Variants in SNAPC3 observed in about 807,000 individuals in gnomAD.
SNAPC3 encodes snRNA-activating protein complex subunit 3.
SNAPC3 carries 56 observed loss-of-function variants against 47.7 expected under a neutral mutation model. That is an observed-to-expected ratio of 1.18 (90% confidence interval 0.95 to 1.47). The LOEUF (loss-of-function observed/expected upper bound fraction) is 1.47, where lower values mean the gene tolerates loss of function less well. Ranked by LOEUF, SNAPC3 falls within the 40% of genes most tolerant of loss-of-function variation. The pLI is 0.00. For synonymous variants in SNAPC3, 235 were observed against 189.9 expected (o/e 1.24, Z -1.95); for missense variants, 665 against 511.3 (o/e 1.30, Z -2.90).
rs1229238490 is a variant in SNAPC3, at chr9:15,423,054, G to C, written c.175G>C (p.Gly59Arg). ...GTGGCGGGGCCGTCTGCGCGGGGCC[G>C]GGGACTTGTCGCTGAGGGAGCCGCC... ...ELWRGRLRGAGDLSLREPPAS... is the reference protein window; with the variant it reads ...ELWRGRLRGARDLSLREPPAS... The change falls in exon 1 of 9, where the codon GGG (glycine) becomes CGG (arginine). Residue 59 changes from glycine (G) to arginine (R), a missense_variant. Transcript: ENST00000380821. The C allele has an allele frequency of 1.3e-6, 2 of 1,515,522 alleles. No individual in the cohort carries two copies. Among genetic ancestry groups the C allele is most frequent in the South Asian group, 2.6e-5 (2 of 78,312 alleles). 93.9% of individuals were successfully genotyped at this position (1,515,522 alleles called of 1,614,324 possible).
chr9:15,463,236 T>G (rs1454247455), downstream of SNAPC3: 1 of 138,210 alleles, frequency 7.2e-6, no homozygotes, highest in African/African-American at 2.7e-5. Context: ...TTTTTTTTTT[T>G]TTTTTTGAGA....
downstream of SNAPC3, chr9:15,463,493 AGGGGT>A (rs141949120): frequency 0.86 from 99,977 of 116,416 alleles, 41,924 homozygotes; most frequent in Admixed American, 0.9. Context: ...TACTTTTTGG[AGGGGT>A]GGGGTGGGGT....
chr9:15,432,334 A>G (rs1034132195), intron 2 of SNAPC3, among the ~76,000 whole-genome samples: 2 of 152,124 alleles, frequency 1.3e-5, no homozygotes, highest in Non-Finnish European at 2.9e-5. Flanking sequence ...TTTCCTGCCT[A>G]TCTCAGCTGA....
intron 3 of SNAPC3, among the ~76,000 whole-genome samples, chr9:15,442,346 C>G (rs529232862): frequency 4.0e-5 from 6 of 151,444 alleles, no homozygotes; most frequent in Admixed American, 1.3e-4. Flanking sequence ...GGGCGGCTGC[C>G]GGGCAGAGAC....
intron 5 of SNAPC3, among the ~76,000 whole-genome samples, chr9:15,450,177 C>T (rs1313775672): frequency 6.6e-6 from 1 of 151,978 alleles, no homozygotes; most frequent in Non-Finnish European, 1.5e-5. Context: ...ACATAATCTC[C>T]ATAACAACCT....
intron 7 of SNAPC3, among the ~76,000 whole-genome samples, chr9:15,454,472 T>A (rs2034624047): frequency 6.6e-6 from 1 of 152,136 alleles, no homozygotes; most frequent in African/African-American, 2.4e-5. Context: ...AAAAGTGAAA[T>A]CCCAGTGTGA....
intron 3 of SNAPC3, among the ~76,000 whole-genome samples, chr9:15,437,000 T>A (rs1388446168): frequency 6.6e-6 from 1 of 151,462 alleles, no homozygotes; most frequent in African/African-American, 2.4e-5. Flanking sequence ...AGTTTTTGTA[T>A]TTTTAATATA....
intron 2 of SNAPC3, among the ~76,000 whole-genome samples, chr9:15,424,745 A>G (rs755579013): frequency 9.2e-5 from 14 of 152,230 alleles, no homozygotes; most frequent in Non-Finnish European, 1.9e-4. Context: ...AGTGAAATTT[A>G]TAATTTCCAA....
chr9:15,440,610 G>A (rs1326446192), intron 3 of SNAPC3, among the ~76,000 whole-genome samples: 2 of 152,146 alleles, frequency 1.3e-5, no homozygotes, highest in Non-Finnish European at 2.9e-5. Context: ...AGGAGCACTT[G>A]ATCCCAAGAG....
intron 3 of SNAPC3, among the ~76,000 whole-genome samples, chr9:15,440,822 G>A (rs1054144366): frequency 2.6e-5 from 4 of 152,028 alleles, no homozygotes; most frequent in African/African-American, 9.7e-5. Context: ...GGTGGCGAGT[G>A]TCTGTAGTCC....
intron 7 of SNAPC3, among the ~76,000 whole-genome samples, chr9:15,454,418 C>A (rs932830980): frequency 2.0e-5 from 3 of 152,058 alleles, no homozygotes; most frequent in Admixed American, 6.6e-5. Context: ...GAATGCAACA[C>A]AGAATAGGTT....
chr9:15,434,151 A>C (rs768197465), intron 3 of SNAPC3, among the ~76,000 whole-genome samples: 1 of 152,162 alleles, frequency 6.6e-6, no homozygotes, highest in South Asian at 2.1e-4. Context: ...AAATTTACAT[A>C]ACATAAAATT....
downstream of SNAPC3, among the ~76,000 whole-genome samples, chr9:15,466,373 T>C (rs1004680905): frequency 1.3e-5 from 2 of 150,916 alleles, no homozygotes; most frequent in African/African-American, 4.8e-5. Context: ...AGTGAAACTC[T>C]GTCTCAAAGA....
chr9:15,454,736 G>C (rs1446790289), intron 7 of SNAPC3, among the ~76,000 whole-genome samples: 1 of 152,200 alleles, frequency 6.6e-6, no homozygotes, highest in East Asian at 1.9e-4. Flanking sequence ...AGGAGATCGA[G>C]ACCATGCTGG....
At chr9:15,463,164 A>G (rs2035346373), downstream of SNAPC3, 1 of 150,670 alleles carries the variant, frequency 6.6e-6, no homozygotes, top group Non-Finnish European at 1.5e-5. Flanking sequence ...AATTTCTCCA[A>G]GCAGCTAAGA....
At chr9:15,466,534 G>A (rs2035638882), downstream of SNAPC3, among the ~76,000 whole-genome samples, 2 of 152,226 alleles carry the variant, frequency 1.3e-5, no homozygotes, top group Admixed American at 1.3e-4. Flanking sequence ...TGGGTTCCCA[G>A]CTAGTTCCAT....
intron 2 of SNAPC3, among the ~76,000 whole-genome samples, chr9:15,431,400 A>ACT (rs2032129345): frequency 6.6e-6 from 1 of 152,092 alleles, no homozygotes. Flanking sequence ...GTTCCCTTTT[A>ACT]CTGCTTCCTT....
chr9:15,462,335 A>C (rs1044989680), downstream of SNAPC3: 5 of 152,204 alleles, frequency 3.3e-5, no homozygotes, highest in Admixed American at 1.3e-4. Flanking sequence ...AAAGTTAATC[A>C]ACCAGGTTAC....
intron 3 of SNAPC3, among the ~76,000 whole-genome samples, chr9:15,442,739 C>CAG (rs2033584042): frequency 1.3e-5 from 2 of 152,236 alleles, no homozygotes; most frequent in South Asian, 2.1e-4. Context: ...GGCAGCCAGG[C>CAG]AGAGACGCTC....
Sources: gnomAD v4.1 joint callset for allele counts (sites outside exome capture counted in the v4.1 genomes callset) on GRCh38, gnomAD v4.1.1 for gene constraint, MANE v1.5 for transcripts, NCBI Gene and HGNC (gene_info 2026-07-23, HGNC 2026-07-21) for gene names.